VIT: variants seen among roughly 807,000 people sequenced by gnomAD.
The protein encoded by VIT is vitrin.
Under a neutral mutation model 78.0 loss-of-function variants are expected in VIT, and 99 were observed. The ratio of observed to expected loss-of-function variants is 1.27; its 90% CI spans 1.08 to 1.50. VIT has a LOEUF of 1.50. Ranked by LOEUF, VIT falls within the 40% of genes most tolerant of loss-of-function variation. The probability of loss-of-function intolerance (pLI) is 0.00; values close to 1 mark genes in which losing one functional copy is unlikely to be tolerated. For missense variants in VIT, 1,126 were observed against 875.3 expected (o/e 1.29, Z -3.61); for synonymous variants, 374 against 334.3 (o/e 1.12, Z -1.29).
intron 9 of VIT, among the ~76,000 whole-genome samples, chr2:36,780,864 GA>G (rs747006298): frequency 2.6e-5 from 4 of 152,200 alleles, no homozygotes; most frequent in South Asian, 2.1e-4. Context: ...AAAGGAGGGA[GA>G]GGGGCAGAAA....
chr2:36,709,348 C>T (rs1474693977), intron 1 of VIT, among the ~76,000 whole-genome samples: 1 of 152,106 alleles, frequency 6.6e-6, no homozygotes, highest in Non-Finnish European at 1.5e-5. Context: ...CAATTCCTTA[C>T]CTCTAAAATG....
chr2:36,810,123 C>T (rs1009687890), intron 15 of VIT, among the ~76,000 whole-genome samples: 3 of 151,828 alleles, frequency 2.0e-5, no homozygotes, highest in African/African-American at 7.3e-5. Context: ...GAAACCCCGT[C>T]GCTACTAAAA....
chr2:36,804,638 T>A (rs1388579678), intron 13 of VIT, among the ~76,000 whole-genome samples: 1 of 152,182 alleles, frequency 6.6e-6, no homozygotes, highest in Non-Finnish European at 1.5e-5. Flanking sequence ...GAGACCATCC[T>A]GGCCAACATG....
At chr2:36,810,466 G>T (rs971109089) in intron 15 of VIT, among the ~76,000 whole-genome samples, 6 of 152,110 alleles carry the variant, frequency 3.9e-5, no homozygotes, top group African/African-American at 1.4e-4. Flanking sequence ...AGTGTCATAA[G>T]TTATCAAGAA....
At chr2:36,716,635 T>G (rs75363175) in intron 2 of VIT, among the ~76,000 whole-genome samples, 6,183 of 152,224 alleles carry the variant, frequency 0.041, 143 homozygotes, top group African/African-American at 0.046. Flanking sequence ...GTAAAGCAAA[T>G]ACTGTATATA....
At chr2:36,796,703 A>C (rs1303559162) in intron 12 of VIT, among the ~76,000 whole-genome samples, 2 of 152,056 alleles carry the variant, frequency 1.3e-5, no homozygotes, top group African/African-American at 4.8e-5. Context: ...CTGAGCTCAA[A>C]GGATCCTCCT....
chr2:36,781,190 G>A (rs1251737906), intron 9 of VIT, among the ~76,000 whole-genome samples: 2 of 152,204 alleles, frequency 1.3e-5, no homozygotes, highest in African/African-American at 4.8e-5. Context: ...CCAAGGAAGG[G>A]AATTCAAACA....
chr2:36,749,890 G>C (rs188908913), intron 4 of VIT, among the ~76,000 whole-genome samples: 54 of 152,316 alleles, frequency 3.5e-4, no homozygotes, highest in African/African-American at 1.3e-3. Flanking sequence ...AAGGTGTCTA[G>C]TTAGTAGACT....
At chr2:36,705,677 G>C (rs974451020) in intron 1 of VIT, among the ~76,000 whole-genome samples, 1 of 152,188 alleles carries the variant, frequency 6.6e-6, no homozygotes, top group African/African-American at 2.4e-5. Context: ...GTGGTGAAAG[G>C]TGATCCTGGA....
chr2:36,806,208 A>G lies in VIT; in HGVS notation c.1389+544A>G, dbSNP rs1335939284. Among the ~76,000 whole-genome samples, 13 of 152,330 alleles carry G rather than the reference A, an allele frequency of 8.5e-5. No individual in the cohort carries two copies. The East Asian group carries it at 1.3e-3, about 16-fold the overall frequency. On this transcript the variant is annotated intron_variant, in intron 14 of 15. Coordinates refer to ENST00000379242, the MANE Select transcript of VIT (RefSeq NM_053276.4). Reference sequence around the variant, plus strand: ...ACTCCACCAAAGCTGTTCCCTTTGTACAGTGGAACACCACATAAAACTTCC... The same window carrying G: ...ACTCCACCAAAGCTGTTCCCTTTGTGCAGTGGAACACCACATAAAACTTCC...
At chr2:36,773,960 A>T in intron 8 of VIT, 113 bp downstream of exon 8, 2 of 1,068,082 alleles carry the variant, frequency 1.9e-6, no homozygotes, top group Non-Finnish European at 2.5e-6. Context: ...CTATTAAACC[A>T]CTTAGGCCAA....
intron 3 of VIT, among the ~76,000 whole-genome samples, chr2:36,729,934 A>C (rs1416013478): frequency 6.6e-6 from 1 of 152,186 alleles, no homozygotes; most frequent in Non-Finnish European, 1.5e-5. Flanking sequence ...TTTCACACCC[A>C]ATCAATGGAA....
intron 1 of VIT, among the ~76,000 whole-genome samples, chr2:36,698,202 A>G (rs1419316716): frequency 6.6e-6 from 1 of 152,240 alleles, no homozygotes; most frequent in East Asian, 1.9e-4. Flanking sequence ...TCATTTAAAT[A>G]TATCTTATGC....
In VIT at chr2:36,759,571, A is replaced by T. The variant is rs538783965; in HGVS notation, c.487+525A>T. 2.5e-4 allele frequency: 262 copies of T among 1,047,202 alleles called. 1 individual carries two copies. In the African/African-American group the frequency reaches 4.2e-3, roughly 17 times the overall value. The allele number at this position is 1,047,202 out of a possible 1,614,324, so 64.9% of individuals were successfully genotyped here. A position where few individuals can be genotyped will look rare whatever the true frequency, so the allele number is the denominator to read the frequency against. ...TCGGTAGACCTCAGGCCAAGAAAATACCTTTTTCCAGGTTTCTGTGTTAAA... is the reference window on the plus strand; with the variant it reads ...TCGGTAGACCTCAGGCCAAGAAAATTCCTTTTTCCAGGTTTCTGTGTTAAA... On this transcript the variant is annotated intron_variant, in intron 6 of 15. Coordinates refer to ENST00000379242, the MANE Select transcript of VIT (RefSeq NM_053276.4).
chr2:36,767,549 G>T (rs1389525690), intron 7 of VIT, among the ~76,000 whole-genome samples: 1 of 152,188 alleles, frequency 6.6e-6, no homozygotes, highest in Non-Finnish European at 1.5e-5. Context: ...TTGAAGGGAT[G>T]GTAGATTTCT....
chr2:36,726,862 G>A (rs965312964), intron 2 of VIT, among the ~76,000 whole-genome samples: 4 of 150,374 alleles, frequency 2.7e-5, no homozygotes, highest in Non-Finnish European at 5.9e-5. Context: ...CAGAAGAGAG[G>A]CTGTCTGGGA....
rs369274771 is a variant in VIT at position 36,778,113 on chromosome 2, T to C, written c.802+3046T>C. ...GCTCTCATATGAAGGGGATCTGTTATTTAATTTTTAAAAAATGTACTGAGC... is the reference window on the plus strand; with the variant it reads ...GCTCTCATATGAAGGGGATCTGTTACTTAATTTTTAAAAAATGTACTGAGC... On this transcript the variant is annotated intron_variant, in intron 9 of 15. Coordinates refer to ENST00000379242, the MANE Select transcript of VIT (RefSeq NM_053276.4). Among the ~76,000 whole-genome samples the C allele has an allele frequency of 1.4e-3, 220 of 152,370 alleles. 4 individuals are homozygous for C. The South Asian group carries it at 0.044, about 30-fold the overall frequency.
At chr2:36,748,018 A>T (rs1250750617) in intron 4 of VIT, among the ~76,000 whole-genome samples, 1 of 151,884 alleles carries the variant, frequency 6.6e-6, no homozygotes, top group Non-Finnish European at 1.5e-5. Context: ...TTTTGTTGGG[A>T]TTTCTTTTCT....
Position 36,716,439 on chromosome 2 carries a change from G to A in VIT, c.52+17G>A, listed in dbSNP as rs1238021024. ...TGTTCCTTGGTAAGTACTTTTATAT[G>A]TGTATCTGGATACCCTTTTAAAATT... On this transcript the variant is annotated intron_variant, in intron 2 of 15. Coordinates refer to ENST00000379242, the MANE Select transcript of VIT (RefSeq NM_053276.4). 3 of 1,612,620 alleles carry A rather than the reference G, an allele frequency of 1.9e-6. No homozygotes were observed. The highest frequency in any genetic ancestry group is 2.2e-5 in the South Asian group (2 of 90,952).
Sources: allele counts gnomAD v4.1 joint callset (sites outside exome capture counted in the v4.1 genomes callset), GRCh38; gene constraint gnomAD v4.1.1; transcripts MANE v1.5; gene names NCBI Gene and HGNC (gene_info 2026-07-23, HGNC 2026-07-21).